Variants in TG observed in about 807,000 individuals in gnomAD.
TG encodes the protein thyroid hormones.
In TG, 270 loss-of-function variants were observed where a neutral mutation model predicts 324.7. The observed-to-expected ratio is 0.83, with a 90% CI of 0.75 to 0.92. The LOEUF is 0.92. Ranked by LOEUF, TG falls within the 40% of genes least tolerant of loss-of-function variation. The pLI, the probability that TG is intolerant of heterozygous loss-of-function variation, is 0.00. For missense variants in TG, 3,591 were observed against 3,456.4 expected, an observed-to-expected ratio of 1.04 and a Z score of -0.98; for synonymous variants, 1,401 against 1,327.0, an observed-to-expected ratio of 1.06 and a Z score of -1.21.
chr8:133,063,330 C>G (rs896186755), intron 41 of TG, among the ~76,000 whole-genome samples: 1 of 151,730 alleles, frequency 6.6e-6, no homozygotes, highest in Non-Finnish European at 1.5e-5. Flanking sequence ...CAGCAGGCTC[C>G]CACCACAATG....
intron 18 of TG, among the ~76,000 whole-genome samples, chr8:132,910,104 A>G (rs978848977): frequency 6.6e-6 from 1 of 152,190 alleles, no homozygotes; most frequent in African/African-American, 2.4e-5. Context: ...AATGACAACT[A>G]TATGAACACT....
chr8:132,882,459 C>G lies in TG; in HGVS notation c.746-10C>G, dbSNP rs781353162. ...AGACCATCTCTGAAAGTCTTGCTGT[C>G]TTTGCTCAGGTTTGGAGTTGTTACT... On this transcript the variant is annotated splice_polypyrimidine_tract_variant and intron_variant, in intron 6 of 47. Coordinates refer to ENST00000220616, the MANE Select transcript of TG (RefSeq NM_003235.5). The G allele has an allele frequency of 1.9e-6, 3 of 1,614,188 alleles. No homozygotes were observed. In the South Asian group the frequency reaches 3.3e-5, roughly 18 times the overall value.
Position 133,096,310 on chromosome 8 carries a change from G to A in TG, c.7509G>A (p.Glu2503=), listed in dbSNP as rs1469876400. ...ARALKRSLWV[E]VDLLIGSSQD... is the part of the protein sequence containing the mutation. ...CACTGAAGAGGTCTTTATGGGTAGA[G>A]GTCGATCTGCTCATTGGGAGTTCTC... The change falls in exon 43 of 48, where the codon GAG becomes GAA. Residue 2503 remains glutamate, a synonymous_variant. Transcript: ENST00000220616. 1.2e-6 allele frequency: 2 copies of A among 1,614,192 alleles called. No individual in the cohort carries two copies. Among genetic ancestry groups the A allele is most frequent in the African/African-American group, 2.7e-5 (2 of 75,048 alleles).
At chr8:132,973,965 G>A (rs567754229) in intron 34 of TG, among the ~76,000 whole-genome samples, 2 of 150,456 alleles carry the variant, frequency 1.3e-5, no homozygotes, top group Admixed American at 6.6e-5. Context: ...AGGGGTCTTC[G>A]AGATCCCTAC....
intron 41 of TG, among the ~76,000 whole-genome samples, chr8:133,058,415 T>C (rs1665490561): frequency 6.6e-6 from 1 of 152,178 alleles, no homozygotes. Context: ...AAAATCAACT[T>C]ATTTCATGAC....
At chr8:133,057,831 TC>T in intron 41 of TG, among the ~76,000 whole-genome samples, 1 of 151,502 alleles carries the variant, frequency 6.6e-6, no homozygotes, top group Non-Finnish European at 1.5e-5. Flanking sequence ...GCATTCACTG[TC>T]CTGGCTTGGG....
chr8:133,092,658 T>G (rs941525360), intron 41 of TG, among the ~76,000 whole-genome samples: 1 of 152,164 alleles, frequency 6.6e-6, no homozygotes, highest in East Asian at 1.9e-4. Flanking sequence ...CCAAGCCCAC[T>G]TCATCAGGGA....
rs531167775 is a variant in TG at position 133,133,544 on chromosome 8, G to T, written c.8072G>T (p.Arg2691Leu). The T allele has an allele frequency of 1.9e-6, 3 of 1,614,048 alleles. No individual in the cohort carries two copies. The African/African-American group carries it at 4.0e-5, about 22-fold the overall frequency. ...ACCCCCTGGCCTGACTTTGTACCCC[G>T]TGCTGGTGGAGAGAACTACAAGGAG... is the stretch of plus-strand genomic sequence containing the variant. ...FATPWPDFVP[R>L]AGGENYKEFS... Residue 2691 changes from arginine (R) to leucine (L), a missense_variant, in exon 47 of 48, where the codon CGT (arginine) becomes CTT (leucine). Transcript: ENST00000220616.
chr8:132,970,771 A>G (rs1333670932), intron 32 of TG, among the ~76,000 whole-genome samples: 3 of 152,178 alleles, frequency 2.0e-5, no homozygotes, highest in Non-Finnish European at 4.4e-5. Flanking sequence ...AGGAAAATGT[A>G]GTTGGCTGGG....
intron 41 of TG, among the ~76,000 whole-genome samples, chr8:133,056,464 C>T (rs1276864412): frequency 3.3e-5 from 5 of 152,180 alleles, no homozygotes; most frequent in African/African-American, 4.8e-5. Flanking sequence ...TCGAGACGAG[C>T]CCATCCTCTT....
intron 25 of TG, among the ~76,000 whole-genome samples, chr8:132,939,675 TG>T (rs377766726): frequency 1.4e-4 from 21 of 150,670 alleles, no homozygotes; most frequent in African/African-American, 4.9e-4. Flanking sequence ...TTTTTTTTTT[TG>T]TTTGTTTGTT....
intron 34 of TG, among the ~76,000 whole-genome samples, chr8:132,975,219 C>T (rs1292245423): frequency 1.3e-5 from 2 of 152,188 alleles, no homozygotes; most frequent in Admixed American, 6.5e-5. Flanking sequence ...CCCCTTGCCC[C>T]ATCTGTCCTC....
intron 5 of TG, among the ~76,000 whole-genome samples, chr8:132,877,563 C>T (rs1043466761): frequency 4.6e-5 from 7 of 152,150 alleles, no homozygotes; most frequent in South Asian, 2.1e-4. Flanking sequence ...TGACTGAGCC[C>T]GGAGGCAGGA....
chr8:132,908,542 G>A (rs1484303249), intron 18 of TG, among the ~76,000 whole-genome samples: 1 of 131,644 alleles, frequency 7.6e-6, no homozygotes. Flanking sequence ...TCTTCCCAGG[G>A]GTCTGGCCTT....
intron 34 of TG, among the ~76,000 whole-genome samples, chr8:132,980,839 A>C (rs1002765091): frequency 6.6e-6 from 1 of 151,774 alleles, no homozygotes; most frequent in African/African-American, 2.4e-5. Context: ...AATAGCTCTT[A>C]CTCCCACCTA....
chr8:132,873,093 T>C lies in TG; in HGVS notation c.510T>C (p.Arg170=), dbSNP rs966823342. The part of the protein sequence containing the change: ...CPRSCEIRNR[R]LLHGVGDKSP... ...GGAGCTGTGAAATAAGAAATCGTCGTCTTCTCCACGGGGTGGGAGATAAGT... is the reference window on the plus strand; with the variant it reads ...GGAGCTGTGAAATAAGAAATCGTCGCCTTCTCCACGGGGTGGGAGATAAGT... Residue 170 remains arginine, a synonymous_variant, in exon 5 of 48, where the codon CGT becomes CGC. Transcript: ENST00000220616. 2.5e-6 allele frequency: 4 copies of C among 1,614,064 alleles called. No individual in the cohort carries two copies. The highest frequency in any genetic ancestry group is 2.7e-5 in the African/African-American group (2 of 74,928).
chr8:132,919,369 T>C lies in TG; in HGVS notation c.4379-7T>C, dbSNP rs1358421263. The C allele has an allele frequency of 1.2e-6, 2 of 1,613,800 alleles. No homozygotes were observed. The highest frequency in any genetic ancestry group is 1.7e-6 in the Non-Finnish European group (2 of 1,179,838). ...ATTTTTAACATCATTTCTCTGTTTT[T>C]TTCTAGTTAAGTGTCCTGAAGGAAG... On this transcript the variant is annotated splice_region_variant and splice_polypyrimidine_tract_variant and intron_variant, in intron 20 of 47. Transcript: ENST00000220616.
intron 23 of TG, 120 bp downstream of exon 23, chr8:132,929,312 A>C: frequency 1.3e-6 from 1 of 764,280 alleles, no homozygotes; most frequent in Non-Finnish European, 2.3e-6. Flanking sequence ...TACTTTATCA[A>C]AAACACTATA....
intron 35 of TG, among the ~76,000 whole-genome samples, chr8:132,991,589 C>T (rs939401562): frequency 1.3e-5 from 2 of 152,256 alleles, no homozygotes; most frequent in Admixed American, 6.5e-5. Context: ...TACCCTGTCA[C>T]TATTTCATCA....
Sources: gnomAD v4.1 joint callset for allele counts (sites outside exome capture counted in the v4.1 genomes callset) on GRCh38, gnomAD v4.1.1 for gene constraint, MANE v1.5 for transcripts, NCBI Gene and HGNC (gene_info 2026-07-23, HGNC 2026-07-21) for gene names.